SLC6A12: variants seen among roughly 807,000 people sequenced by gnomAD.
The protein encoded by SLC6A12 is sodium- and chloride-dependent betaine transporter.
Under a neutral mutation model 73.3 loss-of-function variants are expected in SLC6A12, and 50 were observed. That is an observed-to-expected ratio of 0.68 (90% CI 0.54 to 0.86). The LOEUF is 0.86. Among genes scored for constraint, SLC6A12 ranks in the 40% least tolerant of loss-of-function variants. The pLI is 0.00. For missense variants in SLC6A12, 648 were observed against 772.8 expected, an observed-to-expected ratio of 0.84 and a Z score of 1.92; for synonymous variants, 304 against 309.2, an observed-to-expected ratio of 0.98 and a Z score of 0.18.
chr12:186,140 G>A (rs1045525637), downstream of SLC6A12, among the ~76,000 whole-genome samples: 1 of 152,118 alleles, frequency 6.6e-6, no homozygotes, highest in Non-Finnish European at 1.5e-5. Context: ...AGAAGGGCAC[G>A]AGGGGGCTGA....
chr12:197,829 G>A, intron 9 of SLC6A12, 71 bp downstream of exon 9: 3 of 1,122,010 alleles, frequency 2.7e-6, no homozygotes, highest in East Asian at 2.4e-5. Context: ...CAGAGACTAT[G>A]GGTCTTTGCC....
chr12:210,225 G>A, intron 2 of SLC6A12, 182 bp from the exon 3 acceptor site: 1 of 1,153,864 alleles, frequency 8.7e-7, no homozygotes, highest in Non-Finnish European at 1.2e-6. Flanking sequence ...TGAGTTTGCA[G>A]ATGAGGAAAT....
rs1940004794 is a variant in SLC6A12, at chr12:197,902, G to A, written c.948C>T (p.Tyr316=). ...ACCCCGGCCCACGCTGTTCTCACTT[G>A]TAGCAGTTGTTGTGATACTTGTTGT... The part of the protein sequence containing the change: ...GSYNKYHNNC[Y]KDCIALCFLN... The change falls in exon 9 of 16, where the codon TAC becomes TAT. Residue 316 remains tyrosine (Y), a splice_region_variant and synonymous_variant. Transcript: ENST00000684302. 4 of 1,395,876 alleles carry A rather than the reference G, an allele frequency of 2.9e-6. No homozygotes were observed. In the East Asian group the frequency reaches 9.5e-5, roughly 33 times the overall value. The allele number at this position is 1,395,876 out of a possible 1,614,324, so 86.5% of individuals were successfully genotyped here.
intron 4 of SLC6A12, 103 bp downstream of exon 4, chr12:204,461 G>A (rs1023724743): frequency 1.7e-6 from 2 of 1,146,386 alleles, no homozygotes; most frequent in African/African-American, 3.0e-5. Flanking sequence ...ATATGGGAGT[G>A]AGCGGATGGG....
rs1254179917 is a variant in SLC6A12 at position 210,000 on chromosome 12, G to C, written c.-14C>G. The C allele has an allele frequency of 3.7e-6, 6 of 1,613,208 alleles. No individual in the cohort carries two copies. Among genetic ancestry groups the C allele is most frequent in the Non-Finnish European group, 5.1e-6 (6 of 1,179,236 alleles). ...CTTCCCGTCCATGGCTGTGTGGTGG[G>C]TTGGGAAGCCCCGCTGGGTGGGCAG... is the stretch of plus-strand genomic sequence containing the variant. On this transcript the variant is annotated 5_prime_UTR_variant, in exon 3 of 16. Coordinates refer to ENST00000684302, the MANE Select transcript of SLC6A12 (RefSeq NM_001122848.3).
In SLC6A12 at chr12:198,500, G is replaced by C. The variant is rs1281881128; in HGVS notation, c.846+297C>G. 6.6e-6 allele frequency among the ~76,000 whole-genome samples: 1 copy of C among 152,176 alleles called. No individual in the cohort carries two copies. Among genetic ancestry groups the C allele is most frequent in the Non-Finnish European group, 1.5e-5 (1 of 68,042 alleles). ...AATGCCTTGAGCCCAAGAGGTTGAG[G>C]CTGCAGTGAGCTATGATGGCACCAC... On this transcript the variant is annotated intron_variant, in intron 8 of 15. Coordinates refer to ENST00000684302, the MANE Select transcript of SLC6A12 (RefSeq NM_001122848.3). The surrounding 1 kb of genome is among the most constrained non-coding windows in gnomAD (Gnocchi z 4.0).
intron 3 of SLC6A12, 139 bp from the exon 4 acceptor site, chr12:204,837 A>ACTCCTGCC (rs1555108689): frequency 1.1e-6 from 1 of 903,122 alleles, no homozygotes; most frequent in African/African-American, 1.7e-5. Flanking sequence ...CCAAGGGCCC[A>ACTCCTGCC]CTCCTGCCTG....
chr12:210,158 A>G (rs1940845679), intron 2 of SLC6A12, 115 bp from the exon 3 acceptor site: 1 of 1,307,680 alleles, frequency 7.6e-7, no homozygotes, highest in East Asian at 2.5e-5. Flanking sequence ...GCTCCATGGC[A>G]TTTACACCTA....
intron 3 of SLC6A12, among the ~76,000 whole-genome samples, chr12:208,510 TC>T (rs1233897138): frequency 2.0e-5 from 3 of 152,190 alleles, no homozygotes. Context: ...CTGAAATGTT[TC>T]TAATATTTGC....
In SLC6A12 at chr12:192,629, AAGG is replaced by A; in HGVS notation, c.1547_1549del (p.Ser516del). 1 of 1,614,116 alleles carries A rather than the reference AAGG, an allele frequency of 6.2e-7. No homozygotes were observed. Among genetic ancestry groups the A allele is most frequent in the Middle Eastern group, 1.6e-4 (1 of 6,062 alleles). On this transcript the variant is annotated inframe_deletion, in exon 15 of 16. Transcript: ENST00000684302. ...GTACTTGAGGGGGGTGTACTTGCTCAAGGAGAAGAGGAAAGTGGCCTGGGAGAA... is the reference window on the plus strand; with the variant it reads ...GTACTTGAGGGGGGTGTACTTGCTCAAGAAGAGGAAAGTGGCCTGGGAGAA...
At chr12:204,213 G>A (rs9783494) in intron 4 of SLC6A12, 6 of 263,790 alleles carry the variant, frequency 2.3e-5, no homozygotes, top group African/African-American at 8.8e-5. Context: ...ACAGCACCCC[G>A]GGAGCACCCA....
chr12:187,042 AAT>A (rs1939443583), downstream of SLC6A12, among the ~76,000 whole-genome samples: 1 of 152,208 alleles, frequency 6.6e-6, no homozygotes, highest in Non-Finnish European at 1.5e-5. Context: ...CGCAAAAGCG[AAT>A]ATGTGAGAAA....
In SLC6A12 at chr12:193,269, G is replaced by A. The variant is rs1232398648; in HGVS notation, c.1530+8C>T. The A allele has an allele frequency of 3.8e-6, 6 of 1,599,022 alleles. No individual in the cohort carries two copies. The highest frequency in any genetic ancestry group is 1.3e-5 in the African/African-American group (1 of 74,570). ...GAAGGAATAGAGGGGCAGCTGGTGGGCACATACCAGGCAAAGTCCAGGGGT... is the reference window on the plus strand; with the variant it reads ...GAAGGAATAGAGGGGCAGCTGGTGGACACATACCAGGCAAAGTCCAGGGGT... On this transcript the variant is annotated splice_region_variant and intron_variant, in intron 14 of 15. Transcript: ENST00000684302.
At chr12:210,797 G>A (rs548727071) in intron 2 of SLC6A12, among the ~76,000 whole-genome samples, 10 of 152,232 alleles carry the variant, frequency 6.6e-5, no homozygotes, top group African/African-American at 1.7e-4. Flanking sequence ...ACCAAATGAC[G>A]GGCTCCTCAA....
At chr12:188,455 T>C (rs1435964800), downstream of SLC6A12, among the ~76,000 whole-genome samples, 1 of 150,940 alleles carries the variant, frequency 6.6e-6, no homozygotes, top group East Asian at 2.0e-4. Flanking sequence ...CCAGCGCCTC[T>C]CCCTCCACAC....
intron 3 of SLC6A12, among the ~76,000 whole-genome samples, chr12:207,791 C>T (rs1488833146): frequency 6.6e-6 from 1 of 152,190 alleles, no homozygotes; most frequent in African/African-American, 2.4e-5. Context: ...CCCCCAAGGA[C>T]CAGTGACTCC....
rs750185632 is a variant in SLC6A12 at position 196,766 on chromosome 12, G to A, written c.1188+4C>T. ...GCAGGGCAGGCTGGGCTGCAGTGACGTACCTGGCTGTCCAGCCCTAGGAAT... is the reference window on the plus strand; with the variant it reads ...GCAGGGCAGGCTGGGCTGCAGTGACATACCTGGCTGTCCAGCCCTAGGAAT... On this transcript the variant is annotated splice_donor_region_variant and intron_variant, in intron 11 of 15. Transcript: ENST00000684302. The A allele has an allele frequency of 1.9e-5, 30 of 1,601,138 alleles. No homozygotes were observed. The highest frequency in any genetic ancestry group is 1.7e-4 in the Middle Eastern group (1 of 6,060).
At chr12:210,354 T>C (rs1052655429) in intron 2 of SLC6A12, 2 of 1,113,606 alleles carry the variant, frequency 1.8e-6, no homozygotes, top group Admixed American at 9.3e-5. Flanking sequence ...CTCGCCACCA[T>C]CCCAGCCGGC....
intron 13 of SLC6A12, among the ~76,000 whole-genome samples, chr12:194,320 C>T (rs778394230): frequency 3.9e-5 from 6 of 152,248 alleles, no homozygotes; most frequent in Non-Finnish European, 7.3e-5. Flanking sequence ...GGAAAGGACA[C>T]AAGTGGGAAG....
Sources: gnomAD v4.1 joint callset for allele counts (sites outside exome capture counted in the v4.1 genomes callset) on GRCh38, gnomAD v4.1.1 for gene constraint, Gnocchi (gnomAD v3.1) non-coding constraint, MANE v1.5 for transcripts, NCBI Gene and HGNC (gene_info 2026-07-23, HGNC 2026-07-21) for gene names.